Variants in GRB14 observed in about 807,000 individuals in gnomAD.
GRB14 encodes the protein growth factor receptor bound protein 14, also known as growth factor receptor-bound protein 14.
Under a neutral mutation model 69.1 loss-of-function variants are expected in GRB14, and 38 were observed. The observed-to-expected ratio is 0.55, with a 90% CI of 0.42 to 0.72. GRB14 has a LOEUF of 0.72. GRB14 is among the 30% of genes least tolerant of loss of function. The pLI is 0.00. For synonymous variants in GRB14, 247 were observed against 241.3 expected (o/e 1.02, Z -0.22); for missense variants, 666 against 666.1 (o/e 1.00, Z 0.00).
At chr2:164,544,651 G>C (rs896998921) in intron 3 of GRB14, among the ~76,000 whole-genome samples, 1 of 152,188 alleles carries the variant, frequency 6.6e-6, no homozygotes, top group South Asian at 2.1e-4. Flanking sequence ...ATATTGGCCA[G>C]TATGACATAC....
Position 164,512,878 on chromosome 2 carries a change from C to T in GRB14, c.817-4026G>A, listed in dbSNP as rs375194137. 8.5e-5 allele frequency among the ~76,000 whole-genome samples: 13 copies of T among 152,306 alleles called. No homozygotes were observed. The South Asian group carries it at 2.7e-3, about 32-fold the overall frequency. ...TGTTTTGAGCATTGCCATTTGTTTG[C>T]TTCATCCTCAATAAAACATATCCAG... On this transcript the variant is annotated intron_variant, in intron 6 of 13. Transcript: ENST00000263915.
At chr2:164,617,581 A>AT (rs1690328001) in intron 2 of GRB14, among the ~76,000 whole-genome samples, 1 of 152,120 alleles carries the variant, frequency 6.6e-6, no homozygotes, top group Non-Finnish European at 1.5e-5. Flanking sequence ...CTATACTAAC[A>AT]TAAGCATACC....
At chr2:164,539,299 AC>A (rs1284415908) in intron 3 of GRB14, among the ~76,000 whole-genome samples, 1 of 152,006 alleles carries the variant, frequency 6.6e-6, no homozygotes, top group African/African-American at 2.4e-5. Context: ...ACATAGTGAA[AC>A]CCCATCTCTA....
intron 2 of GRB14, among the ~76,000 whole-genome samples, chr2:164,588,070 G>A (rs1220069978): frequency 6.6e-6 from 1 of 152,132 alleles, no homozygotes; most frequent in Non-Finnish European, 1.5e-5. Context: ...CAAGCTAAAT[G>A]AGATAATCAA....
At chr2:164,618,254 G>A (rs1284789272) in intron 2 of GRB14, among the ~76,000 whole-genome samples, 1 of 151,402 alleles carries the variant, frequency 6.6e-6, no homozygotes, top group Admixed American at 6.6e-5. Context: ...GATTACAGGC[G>A]TGAGCCACCG....
chr2:164,505,737 G>T (rs531406048), intron 8 of GRB14, among the ~76,000 whole-genome samples: 1 of 152,144 alleles, frequency 6.6e-6, no homozygotes, highest in East Asian at 1.9e-4. Flanking sequence ...AAACAAAAGT[G>T]ATTAAATTAC....
chr2:164,551,337 G>A (rs1267060286), intron 2 of GRB14, among the ~76,000 whole-genome samples: 1 of 152,078 alleles, frequency 6.6e-6, no homozygotes, highest in Admixed American at 6.6e-5. Flanking sequence ...GAAAATGTAG[G>A]CTGGAGCTGC....
At chr2:164,558,669 C>A (rs1377151666) in intron 2 of GRB14, among the ~76,000 whole-genome samples, 1 of 152,180 alleles carries the variant, frequency 6.6e-6, no homozygotes. Context: ...ACTGGCCATG[C>A]TTATGTTGGA....
intron 2 of GRB14, among the ~76,000 whole-genome samples, chr2:164,600,900 T>C (rs1029454438): frequency 3.2e-4 from 48 of 152,236 alleles, no homozygotes; most frequent in Non-Finnish European, 1.3e-4. Context: ...TTTGGCTTGC[T>C]AATAGTGACC....
In GRB14 at chr2:164,603,475, C is replaced by T. The variant is rs140149060; in HGVS notation, c.324+16212G>A. Reference sequence around the variant, plus strand: ...GGTCAGGAGTTCGAGACCAGCCTGGCCAACATAGTGAAACCCCGTCTCTGC... The same window carrying T: ...GGTCAGGAGTTCGAGACCAGCCTGGTCAACATAGTGAAACCCCGTCTCTGC... On this transcript the variant is annotated intron_variant, in intron 2 of 13. Coordinates refer to ENST00000263915, the MANE Select transcript of GRB14 (RefSeq NM_004490.3). 4.1e-3 allele frequency among the ~76,000 whole-genome samples: 622 copies of T among 151,976 alleles called. 3 individuals are homozygous for T. The highest frequency in any genetic ancestry group is 0.014 in the Middle Eastern group (4 of 294).
intron 3 of GRB14, among the ~76,000 whole-genome samples, chr2:164,537,900 G>A (rs1688119683): frequency 1.3e-5 from 2 of 152,076 alleles, no homozygotes; most frequent in South Asian, 2.1e-4. Flanking sequence ...CTGCTGTGAT[G>A]AGGGTGGTCA....
intron 6 of GRB14, among the ~76,000 whole-genome samples, chr2:164,509,792 G>A (rs1172286220): frequency 2.2e-3 from 186 of 86,070 alleles, no homozygotes; most frequent in South Asian, 5.1e-3. Flanking sequence ...AGAAGCAGTG[G>A]AAAAAAAAAA....
intron 2 of GRB14, chr2:164,573,618 ATCTT>A: frequency 7.3e-7 from 1 of 1,363,526 alleles, no homozygotes; most frequent in Non-Finnish European, 1.0e-6. Context: ...TTATTATTTC[ATCTT>A]TCTTTAATAG....
In GRB14 at chr2:164,508,473, G is replaced by A. The variant is rs757740337; in HGVS notation, c.1005C>T (p.Thr335=). The change falls in exon 8 of 14, where the codon ACC becomes ACT. Residue 335 remains threonine (T), a synonymous_variant. Coordinates refer to ENST00000263915, the MANE Select transcript of GRB14 (RefSeq NM_004490.3). ...EEEQSRTCWV[T]AIRLLKYGMQ... ...AGATTACCTTAAGCAATCTAATCGC[G>A]GTCACCCAGCACGTCCTACTCTGCT... The A allele has an allele frequency of 4.3e-6, 7 of 1,613,802 alleles. No individual in the cohort carries two copies. The highest frequency in any genetic ancestry group is 5.1e-6 in the Non-Finnish European group (6 of 1,179,864).
At chr2:164,549,393 T>C (rs891709804) in intron 2 of GRB14, among the ~76,000 whole-genome samples, 1 of 152,240 alleles carries the variant, frequency 6.6e-6, no homozygotes, top group African/African-American at 2.4e-5. Context: ...CAGTGTCTTC[T>C]ACATTTAATT....
intron 2 of GRB14, among the ~76,000 whole-genome samples, chr2:164,561,256 T>A (rs1688821540): frequency 6.6e-6 from 1 of 152,150 alleles, no homozygotes; most frequent in Non-Finnish European, 1.5e-5. Flanking sequence ...CCAAACTTAT[T>A]ATTAGCCATG....
At chr2:164,598,127 T>C (rs1453566871) in intron 2 of GRB14, among the ~76,000 whole-genome samples, 2 of 152,118 alleles carry the variant, frequency 1.3e-5, no homozygotes, top group Non-Finnish European at 2.9e-5. Context: ...GAGCAAGATA[T>C]ACGGTGCTAT....
chr2:164,508,768 G>C lies in GRB14; in HGVS notation c.901C>G (p.Pro301Ala), dbSNP rs138627056. 1.3e-4 allele frequency: 203 copies of C among 1,586,704 alleles called. 2 individuals are homozygous for C. The Middle Eastern group carries it at 2.4e-3, about 19-fold the overall frequency. ...TTAAAGCAGAATCCATAGTTAGTCG[G>C]TGCTCCATGTTTTTTTTTGCCTGCC... ...SLAGKKKHGA[P>A]TNYGFCFKPN... Residue 301 changes from proline (P) to alanine (A), a missense_variant, in exon 7 of 14, where the codon CCG becomes GCG. By Grantham distance (27) the Pro-to-Ala change is conservative. Transcript: ENST00000263915.
intron 2 of GRB14, among the ~76,000 whole-genome samples, chr2:164,604,859 G>C (rs72874873): frequency 4.6e-5 from 7 of 152,096 alleles, no homozygotes; most frequent in Non-Finnish European, 8.8e-5. Flanking sequence ...GGGCCGAGAC[G>C]GAGAAGAGAA....
Sources: allele counts gnomAD v4.1 joint callset (sites outside exome capture counted in the v4.1 genomes callset), GRCh38; gene constraint gnomAD v4.1.1; transcripts MANE v1.5; gene names NCBI Gene and HGNC (gene_info 2026-07-23, HGNC 2026-07-21).